PDGFC: variants seen among roughly 807,000 people sequenced by gnomAD.
PDGFC encodes the protein platelet derived growth factor C.
A neutral mutation model predicts 35.5 loss-of-function variants in PDGFC; 12 were observed. The ratio of observed to expected loss-of-function variants is 0.34; its 90% CI spans 0.22 to 0.55. The LOEUF is 0.55. PDGFC is among the 20% of genes least tolerant of loss of function. The probability of loss-of-function intolerance (pLI) is 0.91; values close to 1 mark genes in which losing one functional copy is unlikely to be tolerated. For missense variants in PDGFC, 322 were observed against 412.4 expected, an observed-to-expected ratio of 0.78 and a Z score of 1.90; for synonymous variants, 159 against 148.8, an observed-to-expected ratio of 1.07 and a Z score of -0.50.
At chr4:156,927,788 G>T (rs1731449738) in intron 1 of PDGFC, among the ~76,000 whole-genome samples, 1 of 152,036 alleles carries the variant, frequency 6.6e-6, no homozygotes. Flanking sequence ...TCCAATCTCT[G>T]CCTGTTACCC....
chr4:156,970,767 G>A lies in PDGFC; in HGVS notation c.118+19C>T, dbSNP rs1732572819. On this transcript the variant is annotated intron_variant, in intron 1 of 5. Coordinates refer to ENST00000502773, the MANE Select transcript of PDGFC (RefSeq NM_016205.3). ...ACACAGCGAGAAACAAGCAGGGGGAGAATGGGGGAAAGACTCACCGTTCTG... is the reference window on the plus strand; with the variant it reads ...ACACAGCGAGAAACAAGCAGGGGGAAAATGGGGGAAAGACTCACCGTTCTG... 6.9e-7 allele frequency: 1 copy of A among 1,440,178 alleles called. No individual in the cohort carries two copies. 89.2% of individuals were successfully genotyped at this position (1,440,178 alleles called of 1,614,324 possible).
chr4:156,926,907 C>A (rs1731429472), intron 1 of PDGFC, among the ~76,000 whole-genome samples: 2 of 152,186 alleles, frequency 1.3e-5, no homozygotes. Flanking sequence ...CATTTCTCTT[C>A]CACACTGCCC....
At chr4:156,780,766 G>A (rs138353714) in intron 3 of PDGFC, among the ~76,000 whole-genome samples, 1 of 152,266 alleles carries the variant, frequency 6.6e-6, no homozygotes, top group East Asian at 1.9e-4. Flanking sequence ...GGAAAAATGA[G>A]CTAATTCAGG....
At chr4:156,968,266 T>G (rs1175890257) in intron 1 of PDGFC, among the ~76,000 whole-genome samples, 1 of 152,148 alleles carries the variant, frequency 6.6e-6, no homozygotes, top group African/African-American at 2.4e-5. Flanking sequence ...GAGACAAGAA[T>G]GAGCTGCTAC....
intron 5 of PDGFC, among the ~76,000 whole-genome samples, chr4:156,765,591 C>A (rs907127766): frequency 5.3e-5 from 8 of 151,802 alleles, no homozygotes; most frequent in African/African-American, 1.7e-4. Flanking sequence ...CTGTGCAAAA[C>A]AAACAGACAT....
intron 2 of PDGFC, among the ~76,000 whole-genome samples, chr4:156,845,383 A>AAT (rs924759476): frequency 1.5e-4 from 22 of 151,422 alleles, no homozygotes; most frequent in African/African-American, 2.2e-4. Context: ...ATAAATTAAA[A>AAT]ATATATATAT....
At chr4:156,906,325 A>G (rs888669736) in intron 1 of PDGFC, among the ~76,000 whole-genome samples, 1 of 152,100 alleles carries the variant, frequency 6.6e-6, no homozygotes, top group African/African-American at 2.4e-5. Flanking sequence ...AAATATAGTA[A>G]ATTCAATTTC....
At chr4:156,929,901 C>A (rs1403016272) in intron 1 of PDGFC, among the ~76,000 whole-genome samples, 2 of 152,112 alleles carry the variant, frequency 1.3e-5, no homozygotes, top group Non-Finnish European at 2.9e-5. Flanking sequence ...AAGTGTGCAG[C>A]CCTGCTCAAA....
At chr4:156,815,368 C>A (rs1036739534) in intron 2 of PDGFC, among the ~76,000 whole-genome samples, 9 of 145,590 alleles carry the variant, frequency 6.2e-5, no homozygotes, top group South Asian at 2.3e-4. Flanking sequence ...ACACACACAC[C>A]CCGTTGTCAC....
At chr4:156,960,834 T>C (rs1054453068) in intron 1 of PDGFC, among the ~76,000 whole-genome samples, 1 of 152,088 alleles carries the variant, frequency 6.6e-6, no homozygotes, top group Non-Finnish European at 1.5e-5. Context: ...AATCACACTC[T>C]AGTAAGAGAG....
intron 3 of PDGFC, among the ~76,000 whole-genome samples, chr4:156,779,396 A>T (rs1730918895): frequency 1.3e-5 from 2 of 152,222 alleles, no homozygotes; most frequent in African/African-American, 4.8e-5. Flanking sequence ...GGCCAATTAT[A>T]TTCACATCAA....
intron 2 of PDGFC, among the ~76,000 whole-genome samples, chr4:156,832,257 T>C (rs113007221): frequency 0.01 from 1,436 of 139,606 alleles, 12 homozygotes; most frequent in African/African-American, 0.031. Context: ...TTCTTTCTTT[T>C]TTTTTTTTTT....
chr4:156,960,458 C>T (rs1448435092), intron 1 of PDGFC, among the ~76,000 whole-genome samples: 1 of 150,946 alleles, frequency 6.6e-6, no homozygotes, highest in Non-Finnish European at 1.5e-5. Flanking sequence ...TATATACACA[C>T]ACACGTGTGT....
At position 156,881,797 on chromosome 4, in the gene PDGFC, T is replaced by C. The variant is rs1035801432; in HGVS notation, c.119-31381A>G. On this transcript the variant is annotated intron_variant, in intron 1 of 5. Coordinates refer to ENST00000502773, the MANE Select transcript of PDGFC (RefSeq NM_016205.3). Reference sequence around the variant, plus strand: ...GTGAGCCAAGATCGCACCACTGCACTCCAGCCAGGGACACAGCGAGCCTCA... The same window carrying C: ...GTGAGCCAAGATCGCACCACTGCACCCCAGCCAGGGACACAGCGAGCCTCA... Among the ~76,000 whole-genome samples the C allele has an allele frequency of 2.6e-4, 35 of 133,244 alleles. 1 individual carries two copies. The highest frequency in any genetic ancestry group is 9.7e-4 in the African/African-American group (33 of 34,074). The allele number at this position is 133,244 out of a possible 152,430, so 87.4% of individuals were successfully genotyped here.
chr4:156,920,696 C>T (rs967867530), intron 1 of PDGFC, among the ~76,000 whole-genome samples: 2 of 150,210 alleles, frequency 1.3e-5, no homozygotes, highest in Non-Finnish European at 3.0e-5. Context: ...CACACATATA[C>T]ACACACTGCA....
rs763474545 is a variant in PDGFC at position 156,922,324 on chromosome 4, C to T, written c.118+48462G>A. Reference sequence around the variant, plus strand: ...TGTTTTATAACCTCCTCCACCCAAACATGGAAACATTCATTCATTCAATGG... The same window carrying T: ...TGTTTTATAACCTCCTCCACCCAAATATGGAAACATTCATTCATTCAATGG... On this transcript the variant is annotated intron_variant, in intron 1 of 5. Coordinates refer to ENST00000502773, the MANE Select transcript of PDGFC (RefSeq NM_016205.3). 2.6e-5 allele frequency among the ~76,000 whole-genome samples: 4 copies of T among 152,174 alleles called. 1 individual carries two copies. Among genetic ancestry groups the T allele is most frequent in the Non-Finnish European group, 4.4e-5 (3 of 68,020 alleles).
intron 1 of PDGFC, among the ~76,000 whole-genome samples, chr4:156,853,674 T>C (rs1729506087): frequency 1.3e-5 from 2 of 152,172 alleles, no homozygotes; most frequent in Admixed American, 1.3e-4. Flanking sequence ...AAGAAAATAA[T>C]GCTCGGCCCA....
chr4:156,920,690 C>CAT (rs1320833727), intron 1 of PDGFC, among the ~76,000 whole-genome samples: 6 of 135,794 alleles, frequency 4.4e-5, no homozygotes, highest in Non-Finnish European at 6.6e-5. Context: ...CACACACACA[C>CAT]ATATACACAC....
Position 156,775,043 on chromosome 4 carries a change from C to A in PDGFC, c.496-2150G>T, listed in dbSNP as rs183292204. ...TTATTTTATGATATTTTTGCTCTAC[C>A]CATTAGTCTGTTAAACTTTGAGAGT... On this transcript the variant is annotated intron_variant, in intron 3 of 5. Coordinates refer to ENST00000502773, the MANE Select transcript of PDGFC (RefSeq NM_016205.3). Among the ~76,000 whole-genome samples the A allele has an allele frequency of 3.0e-3, 451 of 152,110 alleles. 2 individuals are homozygous for A. The highest frequency in any genetic ancestry group is 5.2e-3 in the Non-Finnish European group (354 of 67,984).
Sources: allele counts gnomAD v4.1 joint callset (sites outside exome capture counted in the v4.1 genomes callset), GRCh38; gene constraint gnomAD v4.1.1; transcripts MANE v1.5; gene names NCBI Gene and HGNC (gene_info 2026-07-23, HGNC 2026-07-21).